Variants in MLLT3 observed in about 807,000 individuals in gnomAD.
MLLT3 encodes the protein protein AF-9.
MLLT3 carries 4 observed loss-of-function variants against 53.2 expected under a neutral mutation model. The observed-to-expected ratio is 0.08, with a 90% CI of 0.04 to 0.17. MLLT3 has a LOEUF of 0.17. MLLT3 is among the 10% of genes least tolerant of loss of function. MLLT3 has a pLI of 1.00. For missense variants in MLLT3, 569 were observed against 684.0 expected (o/e 0.83, Z 1.87); for synonymous variants, 283 against 230.6 (o/e 1.23, Z -2.06).
At chr9:20,590,692 G>T (rs1184743743) in intron 2 of MLLT3, among the ~76,000 whole-genome samples, 1 of 152,150 alleles carries the variant, frequency 6.6e-6, no homozygotes, top group Non-Finnish European at 1.5e-5. Flanking sequence ...CCAGTCTCAG[G>T]CAGTTCTTCA....
Position 20,458,126 on chromosome 9 carries a change from A to C in MLLT3, c.194-1340T>G, listed in dbSNP as rs1490690082. On this transcript the variant is annotated intron_variant, in intron 2 of 10. Coordinates refer to ENST00000380338, the MANE Select transcript of MLLT3 (RefSeq NM_004529.4). ...ACTCTTAGTATCCTCTGCAAGTTCA[A>C]ATTCTACTTTCTTCACAAGATCTTT... 2.0e-5 allele frequency among the ~76,000 whole-genome samples: 3 copies of C among 152,094 alleles called. No homozygotes were observed. The East Asian group carries it at 5.8e-4, about 29-fold the overall frequency.
chr9:20,542,534 G>A (rs1294405541), intron 2 of MLLT3, among the ~76,000 whole-genome samples: 1 of 152,222 alleles, frequency 6.6e-6, no homozygotes, highest in Admixed American at 6.5e-5. Flanking sequence ...ACAGGCGTGA[G>A]CCAGAGCAGT....
intron 2 of MLLT3, among the ~76,000 whole-genome samples, chr9:20,474,325 A>G (rs1824467520): frequency 6.6e-6 from 1 of 152,146 alleles, no homozygotes; most frequent in South Asian, 2.1e-4. Flanking sequence ...TAAACAGAAC[A>G]CCCTGGAAAT....
chr9:20,448,094 A>G lies in MLLT3; in HGVS notation c.420+29T>C, dbSNP rs1159927939. 4 of 1,583,038 alleles carry G rather than the reference A, an allele frequency of 2.5e-6. No individual in the cohort carries two copies. In the African/African-American group the frequency reaches 5.5e-5, roughly 22 times the overall value. ...TTTGTTGTTGTTGTTTTTTAATAGGAATGCTTTTCACAAGAGAGTGCCACT... is the reference window on the plus strand; with the variant it reads ...TTTGTTGTTGTTGTTTTTTAATAGGGATGCTTTTCACAAGAGAGTGCCACT... On this transcript the variant is annotated intron_variant, in intron 4 of 10. Transcript: ENST00000380338. The surrounding 1 kb of genome is among the most constrained non-coding windows in gnomAD (Gnocchi z 4.0).
At chr9:20,366,513 AT>A (rs1821456481) in intron 5 of MLLT3, among the ~76,000 whole-genome samples, 1 of 152,202 alleles carries the variant, frequency 6.6e-6, no homozygotes, top group Admixed American at 6.5e-5. Flanking sequence ...ATACGTGTGC[AT>A]GTGTCTTTAT....
At chr9:20,384,280 A>C (rs1821975526) in intron 5 of MLLT3, among the ~76,000 whole-genome samples, 2 of 152,054 alleles carry the variant, frequency 1.3e-5, no homozygotes, top group South Asian at 4.1e-4. Flanking sequence ...GAGGTGGGCC[A>C]AAACCTCAAA....
At chr9:20,579,330 G>A (rs983256583) in intron 2 of MLLT3, among the ~76,000 whole-genome samples, 4 of 151,908 alleles carry the variant, frequency 2.6e-5, no homozygotes, top group Admixed American at 1.3e-4. Flanking sequence ...TGAGTAGTAC[G>A]CCACTACATT....
At chr9:20,603,498 T>A (rs1191769975) in intron 2 of MLLT3, among the ~76,000 whole-genome samples, 1 of 152,106 alleles carries the variant, frequency 6.6e-6, no homozygotes, top group Non-Finnish European at 1.5e-5. Flanking sequence ...ATGTGAGTGA[T>A]AAAAATGCAT....
intron 2 of MLLT3, among the ~76,000 whole-genome samples, chr9:20,487,715 A>G (rs1055730977): frequency 3.3e-5 from 5 of 152,186 alleles, no homozygotes; most frequent in African/African-American, 1.2e-4. Context: ...ACCTTGTGGT[A>G]TGTGAGACAT....
chr9:20,555,280 A>C (rs540749030), intron 2 of MLLT3, among the ~76,000 whole-genome samples: 1 of 152,318 alleles, frequency 6.6e-6, no homozygotes, highest in East Asian at 1.9e-4. Flanking sequence ...TTTCCTCTGT[A>C]AGTATTAGCC....
chr9:20,570,927 G>A (rs1440288470), intron 2 of MLLT3, among the ~76,000 whole-genome samples: 1 of 152,116 alleles, frequency 6.6e-6, no homozygotes, highest in Admixed American at 6.6e-5. Context: ...ATAGCCTGAA[G>A]ATGAGTCATA....
rs1020604751 is a variant in MLLT3, at chr9:20,342,113, CT to C, written c.*4329del. ...AACAGCATCACTTCTTGAGAAAAGG[CT>C]AGGGGCTAATTTTTCCTGTATGCAA... On this transcript the variant is annotated 3_prime_UTR_variant, in exon 11 of 11. Transcript: ENST00000380338. The C allele has an allele frequency of 4.7e-6, 1 of 213,916 alleles. No homozygotes were observed. Among genetic ancestry groups the C allele is most frequent in the African/African-American group, 2.3e-5 (1 of 44,160 alleles). The allele number at this position is 213,916 out of a possible 1,614,324, so 13.3% of individuals were successfully genotyped here. A position where few individuals can be genotyped will look rare whatever the true frequency, so the allele number is the denominator to read the frequency against.
chr9:20,410,908 T>C (rs1822711497), intron 5 of MLLT3, among the ~76,000 whole-genome samples: 1 of 152,236 alleles, frequency 6.6e-6, no homozygotes, highest in Non-Finnish European at 1.5e-5. Context: ...TTTATTTGTG[T>C]CTTTTTTCTG....
Position 20,353,512 on chromosome 9 carries a change from A to C in MLLT3, c.1575+13T>G, listed in dbSNP as rs1821089708. On this transcript the variant is annotated intron_variant, in intron 10 of 10. Coordinates refer to ENST00000380338, the MANE Select transcript of MLLT3 (RefSeq NM_004529.4). Reference sequence around the variant, plus strand: ...AGTTTCTGGAAAGGGTTGTGCTAAAAAGCATTTCTCACCTGCTGCAGAATG... The same window carrying C: ...AGTTTCTGGAAAGGGTTGTGCTAAACAGCATTTCTCACCTGCTGCAGAATG... 3 of 1,612,400 alleles carry C rather than the reference A, an allele frequency of 1.9e-6. No individual in the cohort carries two copies. In the East Asian group the frequency reaches 6.7e-5, roughly 36 times the overall value.
At chr9:20,484,231 T>A (rs1197081553) in intron 2 of MLLT3, among the ~76,000 whole-genome samples, 1 of 152,098 alleles carries the variant, frequency 6.6e-6, no homozygotes, top group Non-Finnish European at 1.5e-5. Flanking sequence ...ACCAAATAAA[T>A]TTTCCTACTA....
intron 2 of MLLT3, among the ~76,000 whole-genome samples, chr9:20,599,340 CATGCA>C (rs1820358168): frequency 6.6e-6 from 1 of 150,588 alleles, no homozygotes; most frequent in South Asian, 2.1e-4. Context: ...CTTTGAGTAT[CATGCA>C]ATGATGACTA....
At chr9:20,442,215 T>C (rs1440168009) in intron 4 of MLLT3, among the ~76,000 whole-genome samples, 1 of 151,996 alleles carries the variant, frequency 6.6e-6, no homozygotes, top group African/African-American at 2.4e-5. Flanking sequence ...GGGGAGAGGG[T>C]AGTTTAATAA....
chr9:20,622,224 A>C, intron 1 of MLLT3, 21 bp downstream of exon 1: 1 of 1,600,182 alleles, frequency 6.2e-7, no homozygotes, highest in Non-Finnish European at 8.5e-7. Flanking sequence ...GGCTTTTATT[A>C]TTATTTTTGC....
chr9:20,556,932 T>C (rs1445911141), intron 2 of MLLT3, among the ~76,000 whole-genome samples: 1 of 152,142 alleles, frequency 6.6e-6, no homozygotes. Context: ...TAAGTTATAA[T>C]GACAACGTAT....
Sources: allele counts gnomAD v4.1 joint callset (sites outside exome capture counted in the v4.1 genomes callset), GRCh38; gene constraint gnomAD v4.1.1; non-coding constraint Gnocchi (gnomAD v3.1); transcripts MANE v1.5; gene names NCBI Gene and HGNC (gene_info 2026-07-23, HGNC 2026-07-21).